The following RAD51B variants were observed in gnomAD, a reference collection of about 807,000 sequenced individuals.
RAD51B encodes RAD51 paralog B.
RAD51B carries 38 observed loss-of-function variants against 42.2 expected under a neutral mutation model. The observed-to-expected ratio is 0.90, with a 90% CI of 0.70 to 1.18. The LOEUF (loss-of-function observed/expected upper bound fraction) is 1.18. Ranked by LOEUF, RAD51B falls within the 50% of genes most tolerant of loss-of-function variation. RAD51B has a pLI of 0.00. For synonymous variants in RAD51B, 154 were observed against 145.2 expected, an observed-to-expected ratio of 1.06 and a Z score of -0.43; for missense variants, 373 against 400.7, an observed-to-expected ratio of 0.93 and a Z score of 0.59.
At chr14:68,209,210 T>A (rs1430239068) in intron 7 of RAD51B, among the ~76,000 whole-genome samples, 1 of 152,218 alleles carries the variant, frequency 6.6e-6, no homozygotes, top group Non-Finnish European at 1.5e-5. Flanking sequence ...CTCAAGTATC[T>A]AATACTTTTG....
intron 8 of RAD51B, among the ~76,000 whole-genome samples, chr14:68,318,078 C>T (rs1595701588): frequency 6.6e-6 from 1 of 152,178 alleles, no homozygotes; most frequent in African/African-American, 2.4e-5. Context: ...TCTTTGGTTT[C>T]TTCTTTCTGA....
intron 7 of RAD51B, among the ~76,000 whole-genome samples, chr14:68,231,473 C>T (rs2080148304): frequency 6.6e-6 from 1 of 152,120 alleles, no homozygotes; most frequent in African/African-American, 2.4e-5. Context: ...TCTAGTCCTC[C>T]CCACACCCAA....
intron 8 of RAD51B, among the ~76,000 whole-genome samples, chr14:68,377,258 A>G (rs1170452697): frequency 6.6e-6 from 1 of 152,206 alleles, no homozygotes. Context: ...AGGCCTGTGG[A>G]TGCTTCAGAG....
intron 7 of RAD51B, among the ~76,000 whole-genome samples, chr14:67,968,322 G>A (rs961728315): frequency 6.6e-6 from 1 of 152,188 alleles, no homozygotes. Flanking sequence ...TTAGCATTCA[G>A]CTCCTTCTTG....
chr14:68,598,885 C>G (rs763018222), downstream of RAD51B, among the ~76,000 whole-genome samples: 12 of 152,112 alleles, frequency 7.9e-5, no homozygotes, highest in Non-Finnish European at 1.3e-4. Context: ...GGTTAAAGTC[C>G]GCTTTGAGAA....
chr14:68,190,778 A>T (rs1172458638), intron 7 of RAD51B, among the ~76,000 whole-genome samples: 1 of 152,200 alleles, frequency 6.6e-6, no homozygotes, highest in Non-Finnish European at 1.5e-5. Context: ...ACAAGTGTCC[A>T]TTTAGGATGT....
At chr14:68,205,526 A>G (rs2140934042) in intron 7 of RAD51B, among the ~76,000 whole-genome samples, 1 of 152,250 alleles carries the variant, frequency 6.6e-6, no homozygotes, top group East Asian at 1.9e-4. Flanking sequence ...CCAATAAAAG[A>G]TAGAGACAGC....
intron 4 of RAD51B, among the ~76,000 whole-genome samples, chr14:67,851,650 T>TG (rs898299073): frequency 1.3e-5 from 2 of 151,446 alleles, no homozygotes; most frequent in African/African-American, 4.9e-5. Flanking sequence ...GTGATGGTGA[T>TG]GGGGGGTGTA....
chr14:68,484,822 C>T (rs529519467), intron 10 of RAD51B, among the ~76,000 whole-genome samples: 1 of 152,214 alleles, frequency 6.6e-6, no homozygotes, highest in African/African-American at 2.4e-5. Context: ...CATGTCTGCC[C>T]AGGGCTACTC....
intron 10 of RAD51B, among the ~76,000 whole-genome samples, chr14:68,617,261 C>T (rs935939387): frequency 6.6e-6 from 1 of 152,142 alleles, no homozygotes; most frequent in Non-Finnish European, 1.5e-5. Flanking sequence ...CCTTTAGAGG[C>T]TTGTTTTTAG....
At chr14:68,021,069 C>T (rs537504132) in intron 7 of RAD51B, among the ~76,000 whole-genome samples, 1 of 152,300 alleles carries the variant, frequency 6.6e-6, no homozygotes, top group East Asian at 1.9e-4. Context: ...CTGAATACCC[C>T]CCTGGGACCT....
chr14:68,158,663 T>C (rs2078569992), intron 7 of RAD51B, among the ~76,000 whole-genome samples: 1 of 152,212 alleles, frequency 6.6e-6, no homozygotes, highest in African/African-American at 2.4e-5. Flanking sequence ...TTCAACCACA[T>C]GTATTATAAT....
At chr14:68,055,144 A>G (rs751279630) in intron 7 of RAD51B, among the ~76,000 whole-genome samples, 5 of 152,180 alleles carry the variant, frequency 3.3e-5, no homozygotes, top group Non-Finnish European at 5.9e-5. Context: ...TTATCTAAAC[A>G]TGTAATCATT....
intron 7 of RAD51B, among the ~76,000 whole-genome samples, chr14:68,185,898 G>T (rs2079148269): frequency 1.3e-5 from 2 of 152,112 alleles, no homozygotes; most frequent in African/African-American, 4.8e-5. Flanking sequence ...CCATGGCCTG[G>T]GGGTACCCCT....
At chr14:68,018,851 A>AAT (rs1352827992) in intron 7 of RAD51B, among the ~76,000 whole-genome samples, 3 of 152,146 alleles carry the variant, frequency 2.0e-5, no homozygotes, top group Admixed American at 1.3e-4. Flanking sequence ...CTTTGGAGTA[A>AAT]ATAAGCCTAA....
At chr14:67,890,415 T>A (rs2043183350) in intron 7 of RAD51B, among the ~76,000 whole-genome samples, 1 of 151,872 alleles carries the variant, frequency 6.6e-6, no homozygotes, top group Non-Finnish European at 1.5e-5. Flanking sequence ...TTTCTTTTTT[T>A]CTGAGACATA....
At chr14:68,327,953 T>C (rs2082280602) in intron 8 of RAD51B, among the ~76,000 whole-genome samples, 1 of 152,160 alleles carries the variant, frequency 6.6e-6, no homozygotes, top group South Asian at 2.1e-4. Flanking sequence ...CAAGAAACCC[T>C]TTAAATCACT....
At chr14:67,981,753 T>G (rs1049347374) in intron 7 of RAD51B, among the ~76,000 whole-genome samples, 1 of 151,986 alleles carries the variant, frequency 6.6e-6, no homozygotes, top group Non-Finnish European at 1.5e-5. Context: ...TTCTAAAAAA[T>G]GAAAAATAAT....
At chr14:68,034,831 A>C (rs1438814327) in intron 7 of RAD51B, among the ~76,000 whole-genome samples, 2 of 152,154 alleles carry the variant, frequency 1.3e-5, no homozygotes, top group Non-Finnish European at 2.9e-5. Context: ...AAGCCATTTC[A>C]GTTTCTCAAT....
Sources: allele counts gnomAD v4.1 joint callset (sites outside exome capture counted in the v4.1 genomes callset), GRCh38; gene constraint gnomAD v4.1.1; transcripts MANE v1.5; gene names NCBI Gene and HGNC (gene_info 2026-07-23, HGNC 2026-07-21).